Variants in LRRC49 observed in about 807,000 individuals in gnomAD.
LRRC49 encodes the protein leucine-rich repeat-containing protein 49.
LRRC49 carries 50 observed loss-of-function variants against 83.3 expected under a neutral mutation model. The observed-to-expected ratio is 0.60, with a 90% CI of 0.48 to 0.76. The LOEUF is 0.76. LRRC49 is among the 30% of genes least tolerant of loss of function. The pLI is 0.00. For synonymous variants in LRRC49, 286 were observed against 283.3 expected (o/e 1.01, Z -0.10); for missense variants, 704 against 809.1 (o/e 0.87, Z 1.58).
intron 3 of LRRC49, 49 bp from the exon 4 acceptor site, chr15:70,900,873 A>T: frequency 9.0e-7 from 1 of 1,112,384 alleles, no homozygotes; most frequent in Non-Finnish European, 1.3e-6. Context: ...TTAGTTTCAG[A>T]CTTCGAAGGT....
At chr15:70,853,532 G>C (rs1376476240) in intron 1 of LRRC49, 1 of 178,360 alleles carries the variant, frequency 5.6e-6, no homozygotes, top group Non-Finnish European at 1.2e-5. Flanking sequence ...CGGCGATGGG[G>C]AGGTGGTGTC....
intron 8 of LRRC49, among the ~76,000 whole-genome samples, chr15:70,949,132 G>A (rs1218904270): frequency 6.6e-6 from 1 of 152,080 alleles, no homozygotes; most frequent in African/African-American, 2.4e-5. Context: ...TAACTTGTGG[G>A]CCATACAAAA....
rs747104470 is a variant in LRRC49 at position 71,008,612 on chromosome 15, C to G, written c.1403C>G (p.Ser468Cys). The G allele has an allele frequency of 4.4e-6, 7 of 1,603,952 alleles. No homozygotes were observed. In the South Asian group the frequency reaches 7.7e-5, roughly 18 times the overall value. ...LPKLKIKFPN[S>C]LHLKFKETNL... ...AAACTGAAGATTAAGTTTCCTAATT[C>G]TCTGGTAAATATTTCCTTTTAGTAG... Residue 468 changes from serine to cysteine, a missense_variant, in exon 12 of 16, where the codon TCT (serine) becomes TGT (cysteine). This residue lies in a region of LRRC49 where 275 missense variants were observed against 338.0 expected (regional missense o/e 0.81). Transcript: ENST00000260382.
chr15:70,896,625 G>A (rs1426276893), intron 3 of LRRC49, among the ~76,000 whole-genome samples: 4 of 152,096 alleles, frequency 2.6e-5, no homozygotes, highest in Admixed American at 6.5e-5. Flanking sequence ...TTGGTTTGTT[G>A]CTGACAGCCA....
At chr15:70,987,503 G>A (rs2037673170) in intron 11 of LRRC49, among the ~76,000 whole-genome samples, 1 of 151,894 alleles carries the variant, frequency 6.6e-6, no homozygotes, top group Non-Finnish European at 1.5e-5. Context: ...ATTTTTTATT[G>A]CGTCTATTTG....
At chr15:70,982,121 C>T (rs952592143) in intron 10 of LRRC49, among the ~76,000 whole-genome samples, 4 of 152,038 alleles carry the variant, frequency 2.6e-5, no homozygotes, top group Non-Finnish European at 4.4e-5. Context: ...TATAGGAAAA[C>T]GTTTGCATTT....
At chr15:70,943,811 A>G (rs182915653) in intron 8 of LRRC49, among the ~76,000 whole-genome samples, 2 of 152,172 alleles carry the variant, frequency 1.3e-5, no homozygotes, top group East Asian at 1.9e-4. Flanking sequence ...TTTTCTATCT[A>G]TTGGGAGACT....
chr15:70,987,725 G>T (rs1298994012), intron 11 of LRRC49, among the ~76,000 whole-genome samples: 15 of 152,200 alleles, frequency 9.9e-5, no homozygotes, highest in Non-Finnish European at 1.8e-4. Flanking sequence ...TAATTGTGAT[G>T]TTAGGGTGTC....
chr15:70,941,511 A>G (rs1000157708), intron 8 of LRRC49, among the ~76,000 whole-genome samples: 1 of 151,204 alleles, frequency 6.6e-6, no homozygotes, highest in Non-Finnish European at 1.5e-5. Flanking sequence ...AAAAAAAAAA[A>G]GAAAAGAAAA....
chr15:70,952,230 T>C (rs905600140), intron 8 of LRRC49, among the ~76,000 whole-genome samples: 22 of 151,778 alleles, frequency 1.4e-4, no homozygotes, highest in African/African-American at 2.2e-4. Context: ...TTTTTTTTTT[T>C]CTGTGTCTCT....
intron 8 of LRRC49, among the ~76,000 whole-genome samples, chr15:70,952,743 T>C (rs1164151341): frequency 6.6e-6 from 1 of 152,110 alleles, no homozygotes; most frequent in Non-Finnish European, 1.5e-5. Context: ...AAGTCCTGAG[T>C]ATTATTGTTT....
intron 1 of LRRC49, among the ~76,000 whole-genome samples, chr15:70,869,390 C>T (rs2032980870): frequency 6.6e-6 from 1 of 152,142 alleles, no homozygotes; most frequent in South Asian, 2.1e-4. Context: ...TCTTAGACTG[C>T]CATATTTAAA....
chr15:70,872,705 T>C (rs1172704971), intron 1 of LRRC49, among the ~76,000 whole-genome samples: 3 of 151,702 alleles, frequency 2.0e-5, no homozygotes, highest in African/African-American at 4.8e-5. Context: ...AAAGAGAAAA[T>C]TGAGACCAGA....
At chr15:70,954,170 C>T (rs1357031047) in intron 8 of LRRC49, among the ~76,000 whole-genome samples, 1 of 152,230 alleles carries the variant, frequency 6.6e-6, no homozygotes, top group Non-Finnish European at 1.5e-5. Context: ...GCTGGGATTA[C>T]AGGTGTGAGC....
At chr15:70,871,283 T>A (rs2033028465) in intron 1 of LRRC49, among the ~76,000 whole-genome samples, 2 of 152,228 alleles carry the variant, frequency 1.3e-5, no homozygotes, top group Admixed American at 1.3e-4. Flanking sequence ...AGGTTATAGA[T>A]TAACAGCATC....
At chr15:70,941,596 C>T in intron 8 of LRRC49, among the ~76,000 whole-genome samples, 1 of 151,786 alleles carries the variant, frequency 6.6e-6, no homozygotes, top group South Asian at 2.1e-4. Flanking sequence ...ATTCCTTTTG[C>T]ATTACCTTTG....
intron 11 of LRRC49, among the ~76,000 whole-genome samples, chr15:70,990,014 G>A (rs1314235972): frequency 1.3e-5 from 2 of 152,072 alleles, no homozygotes; most frequent in Non-Finnish European, 2.9e-5. Context: ...AGGAGTACCC[G>A]GCTGTGTGAG....
intron 8 of LRRC49, among the ~76,000 whole-genome samples, chr15:70,938,276 T>A (rs1450773484): frequency 6.6e-6 from 1 of 152,114 alleles, no homozygotes; most frequent in East Asian, 1.9e-4. Flanking sequence ...TGGAAAGGAG[T>A]TCTGCTCACC....
At chr15:70,969,440 T>TG (rs2036912727) in intron 9 of LRRC49, among the ~76,000 whole-genome samples, 3 of 152,124 alleles carry the variant, frequency 2.0e-5, no homozygotes, top group Middle Eastern at 6.8e-3. Context: ...TTGTTCATTT[T>TG]CTTAGGATTG....
Sources: allele counts gnomAD v4.1 joint callset (sites outside exome capture counted in the v4.1 genomes callset), GRCh38; gene constraint gnomAD v4.1.1; regional missense constraint gnomAD v4.1.1; transcripts MANE v1.5; gene names NCBI Gene and HGNC (gene_info 2026-07-23, HGNC 2026-07-21).